LIMK2: variants seen among roughly 807,000 people sequenced by gnomAD.
The protein encoded by LIMK2 is LIM domain kinase 2.
LIMK2 carries 35 observed loss-of-function variants against 75.7 expected under a neutral mutation model. That is an observed-to-expected ratio of 0.46 (90% CI 0.35 to 0.61). The LOEUF (loss-of-function observed/expected upper bound fraction) is 0.61. Ranked by LOEUF, LIMK2 falls within the 20% of genes least tolerant of loss-of-function variation. The pLI is 0.00. For synonymous variants in LIMK2, 301 were observed against 319.2 expected, an observed-to-expected ratio of 0.94 and a Z score of 0.61; for missense variants, 623 against 831.0, an observed-to-expected ratio of 0.75 and a Z score of 3.08.
At chr22:31,225,629 C>A in intron 1 of LIMK2, 91 bp from the exon 2 acceptor site, 1 of 895,276 alleles carries the variant, frequency 1.1e-6, no homozygotes, top group Non-Finnish European at 1.8e-6. Context: ...AAATGAGATG[C>A]TGTTAACTCA....
chr22:31,268,294 C>A, intron 11 of LIMK2, 94 bp downstream of exon 11: 1 of 1,013,304 alleles, frequency 9.9e-7, no homozygotes, highest in African/African-American at 1.6e-5. Context: ...CCTTCCTATG[C>A]AACTTGTGTG....
intron 2 of LIMK2, among the ~76,000 whole-genome samples, chr22:31,232,542 G>C (rs557629521): frequency 6.6e-6 from 1 of 152,290 alleles, no homozygotes; most frequent in South Asian, 2.1e-4. Flanking sequence ...ATATATAAAA[G>C]TCATCAAATT....
chr22:31,261,532 C>A (rs1212154188), intron 5 of LIMK2, among the ~76,000 whole-genome samples: 1 of 127,250 alleles, frequency 7.9e-6, no homozygotes. Flanking sequence ...AGCGACAGAG[C>A]GAGACTCCAT....
intron 7 of LIMK2, among the ~76,000 whole-genome samples, chr22:31,265,110 C>T (rs1344118219): frequency 1.4e-5 from 2 of 143,474 alleles, no homozygotes; most frequent in African/African-American, 5.2e-5. Flanking sequence ...AGGAGAATCT[C>T]TTGAACCTGG....
chr22:31,269,286 C>CTTTTT (rs796361643), intron 11 of LIMK2, among the ~76,000 whole-genome samples: 20 of 95,460 alleles, frequency 2.1e-4, no homozygotes, highest in East Asian at 3.2e-4. Context: ...ATTTTTTTTT[C>CTTTTT]TTTTTTTTTT....
chr22:31,213,778 A>G (rs1385746547), intron 1 of LIMK2, among the ~76,000 whole-genome samples: 5 of 151,826 alleles, frequency 3.3e-5, no homozygotes. Flanking sequence ...GATTTTTTTT[A>G]AGCTTACAGA....
Position 31,262,443 on chromosome 22 carries a change from C to A in LIMK2, c.658-152C>A. The A allele has an allele frequency of 1.2e-6, 1 of 824,866 alleles. No homozygotes were observed. The highest frequency in any genetic ancestry group is 1.9e-6 in the Non-Finnish European group (1 of 513,574). The allele number at this position is 824,866 out of a possible 1,614,324, so 51.1% of individuals were successfully genotyped here. On this transcript the variant is annotated intron_variant, in intron 6 of 15. Transcript: ENST00000331728. The surrounding 1 kb of genome is among the most constrained non-coding windows in gnomAD (Gnocchi z 5.0). The stretch of plus-strand genomic sequence containing the variant: ...GATGGACGGGAGAGCTGACAGGATG[C>A]CAGGCAGAGGGCACTGTGAGGCCAC...
At position 31,272,817 on chromosome 22, in the gene LIMK2, A is replaced by G. The variant is rs375509815; in HGVS notation, c.1558+113A>G. The G allele has an allele frequency of 5.5e-5, 79 of 1,432,976 alleles. No homozygotes were observed. In the East Asian group the frequency reaches 7.6e-4, roughly 14 times the overall value. 88.8% of individuals were successfully genotyped at this position (1,432,976 alleles called of 1,614,324 possible). A position where few individuals can be genotyped will look rare whatever the true frequency, so the allele number is the denominator to read the frequency against. On this transcript the variant is annotated intron_variant, in intron 13 of 15. Coordinates refer to ENST00000331728, the MANE Select transcript of LIMK2 (RefSeq NM_005569.4). ...CTGTGAAGCGTAGGACCGGATACCC[A>G]GAGCTGAGGATATTTTTCCCTTGCC... is the stretch of plus-strand genomic sequence containing the variant.
chr22:31,247,685 G>A (rs189137279), intron 2 of LIMK2, among the ~76,000 whole-genome samples: 27 of 152,290 alleles, frequency 1.8e-4, no homozygotes, highest in African/African-American at 6.0e-4. Flanking sequence ...TTGACCTTGA[G>A]TGAGTTACCT....
rs146645849 is a variant in LIMK2, at chr22:31,228,592, T to C, written c.116+2773T>C. ...CACATGGTTGTTAGGGAGGATTAAA[T>C]GTGATAACCTATATAAAGTGGCTAG... is the stretch of plus-strand genomic sequence containing the variant. On this transcript the variant is annotated intron_variant, in intron 2 of 15. Transcript: ENST00000331728. Among the ~76,000 whole-genome samples the C allele has an allele frequency of 2.0e-5, 3 of 152,300 alleles. No homozygotes were observed. The East Asian group carries it at 5.8e-4, about 29-fold the overall frequency.
chr22:31,271,282 C>G, intron 12 of LIMK2, 81 bp downstream of exon 12: 1 of 1,264,270 alleles, frequency 7.9e-7, no homozygotes, highest in Admixed American at 1.7e-5. Context: ...TGACTTGTCC[C>G]CTCTGGCTAG....
intron 2 of LIMK2, among the ~76,000 whole-genome samples, chr22:31,236,426 G>C (rs1021936154): frequency 1.3e-5 from 2 of 151,158 alleles, no homozygotes; most frequent in Non-Finnish European, 3.0e-5. Context: ...CTGGGTAACA[G>C]AGCAAGACCT....
intron 2 of LIMK2, among the ~76,000 whole-genome samples, chr22:31,243,025 C>T (rs1208245465): frequency 2.0e-5 from 3 of 152,188 alleles, no homozygotes; most frequent in African/African-American, 7.2e-5. Context: ...CGGGTTCAAG[C>T]GATTCTCTTG....
chr22:31,269,286 C>CTTTTTTTT (rs796361643), intron 11 of LIMK2, among the ~76,000 whole-genome samples: 4 of 95,472 alleles, frequency 4.2e-5, no homozygotes, highest in Non-Finnish European at 6.6e-5. Flanking sequence ...ATTTTTTTTT[C>CTTTTTTTT]TTTTTTTTTT....
intron 1 of LIMK2, among the ~76,000 whole-genome samples, chr22:31,223,176 G>T (rs974827379): frequency 6.6e-6 from 1 of 152,186 alleles, no homozygotes; most frequent in Non-Finnish European, 1.5e-5. Context: ...GTGAAACCAG[G>T]TGGATATGAG....
At chr22:31,234,857 T>C (rs1298721074) in intron 2 of LIMK2, among the ~76,000 whole-genome samples, 2 of 152,152 alleles carry the variant, frequency 1.3e-5, no homozygotes, top group Non-Finnish European at 2.9e-5. Flanking sequence ...GCCCTCCTTC[T>C]GACAAGGGCT....
At chr22:31,243,225 A>G (rs1042770072) in intron 2 of LIMK2, among the ~76,000 whole-genome samples, 1 of 151,982 alleles carries the variant, frequency 6.6e-6, no homozygotes, top group Non-Finnish European at 1.5e-5. Flanking sequence ...CCTGCCCGGG[A>G]CCCTTGTTTT....
intron 11 of LIMK2, among the ~76,000 whole-genome samples, chr22:31,269,065 T>TGTTTG (rs145490583): frequency 0.32 from 46,358 of 146,838 alleles, 8,214 homozygotes; most frequent in Middle Eastern, 0.49. Flanking sequence ...TTTTTTTGTT[T>TGTTTG]TTTTTTCCTG....
chr22:31,247,385 A>C (rs2048680649), intron 2 of LIMK2, among the ~76,000 whole-genome samples: 1 of 152,168 alleles, frequency 6.6e-6, no homozygotes, highest in South Asian at 2.1e-4. Context: ...TTGGCACCCC[A>C]GGCCTTTTTC....
Sources: gnomAD v4.1 joint callset for allele counts (sites outside exome capture counted in the v4.1 genomes callset) on GRCh38, gnomAD v4.1.1 for gene constraint, Gnocchi (gnomAD v3.1) non-coding constraint, MANE v1.5 for transcripts, NCBI Gene and HGNC (gene_info 2026-07-23, HGNC 2026-07-21) for gene names.